The following PCDHA1 variants were observed in gnomAD, a reference collection of about 807,000 sequenced individuals.
PCDHA1 encodes protocadherin alpha-1.
In PCDHA1, 42 loss-of-function variants were observed where a neutral mutation model predicts 61.3. The ratio of observed to expected loss-of-function variants is 0.69; its 90% CI spans 0.54 to 0.89. The LOEUF is 0.89. Ranked by LOEUF, PCDHA1 falls within the 40% of genes least tolerant of loss-of-function variation. The pLI is 0.00. For missense variants in PCDHA1, 1,256 were observed against 1,235.3 expected (o/e 1.02, Z -0.25); for synonymous variants, 610 against 553.8 (o/e 1.10, Z -1.43).
intron 1 of PCDHA1, chr5:140,968,792 A>G (rs200477554): frequency 2.5e-6 from 4 of 1,614,186 alleles, no homozygotes; most frequent in Admixed American, 3.3e-5. Flanking sequence ...CTCTGTGGCC[A>G]TTACAGTAGC....
chr5:140,835,758 G>A (rs2150244199), intron 1 of PCDHA1: 9 of 1,613,436 alleles, frequency 5.6e-6, no homozygotes, highest in Non-Finnish European at 7.6e-6. Flanking sequence ...CGCGCAGCCC[G>A]AGTATACGGT....
intron 1 of PCDHA1, among the ~76,000 whole-genome samples, chr5:140,941,369 T>C (rs2093052615): frequency 6.8e-6 from 1 of 147,356 alleles, no homozygotes; most frequent in Non-Finnish European, 1.5e-5. Context: ...TAGGCTGGAG[T>C]GTAGTGACAG....
intron 1 of PCDHA1, chr5:140,841,999 T>A: frequency 6.2e-7 from 1 of 1,613,818 alleles, no homozygotes; most frequent in Non-Finnish European, 8.5e-7. Context: ...CAGGCACTGT[T>A]CAGCTGCTGG....
intron 1 of PCDHA1, chr5:140,830,284 G>A (rs536478075): frequency 3.1e-6 from 5 of 1,613,734 alleles, no homozygotes; most frequent in Admixed American, 1.7e-5. Context: ...CCGAGGGCGC[G>A]TGCACGGCGG....
intron 1 of PCDHA1, chr5:140,850,088 A>G (rs2150466412): frequency 3.0e-5 from 48 of 1,596,270 alleles, no homozygotes; most frequent in South Asian, 6.6e-5. Context: ...TGGAGCTGCT[A>G]CAGTTCCAGG....
At chr5:140,910,408 G>A (rs1165160124) in intron 1 of PCDHA1, among the ~76,000 whole-genome samples, 2 of 152,106 alleles carry the variant, frequency 1.3e-5, no homozygotes, top group African/African-American at 2.4e-5. Flanking sequence ...CTGCCACCTC[G>A]AGATCCAATT....
intron 1 of PCDHA1, chr5:140,966,880 C>T (rs1554228837): frequency 1.3e-6 from 2 of 1,588,288 alleles, no homozygotes; most frequent in Admixed American, 3.5e-5. Flanking sequence ...TGCTACCTGG[C>T]CCTGCGGCCT....
rs3776115 is a variant in PCDHA1 at position 140,970,956 on chromosome 5, G to A, written c.2395-7993G>A. Among the ~76,000 whole-genome samples, 119 of 152,278 alleles carry A rather than the reference G, an allele frequency of 7.8e-4. 3 individuals carry two copies. In the East Asian group the frequency reaches 0.019, roughly 25 times the overall value. On this transcript the variant is annotated intron_variant, in intron 1 of 3. Coordinates refer to ENST00000504120, the MANE Select transcript of PCDHA1 (RefSeq NM_018900.4). The stretch of plus-strand genomic sequence containing the variant: ...TAGTCAATGCTGAGAAACCATGGGA[G>A]GCAGATTGTAGATTAAGAAAAATGG...
At chr5:141,003,441 A>G (rs184470683) in intron 3 of PCDHA1, among the ~76,000 whole-genome samples, 25 of 152,240 alleles carry the variant, frequency 1.6e-4, no homozygotes, top group Non-Finnish European at 1.5e-5. Flanking sequence ...CCTCCCAAGT[A>G]GATGAAATTA....
In PCDHA1 at chr5:140,795,027, C is replaced by T. The variant is rs782638964; in HGVS notation, c.2394+6343C>T. On this transcript the variant is annotated intron_variant, in intron 1 of 3. Transcript: ENST00000504120. ...CACGGCTGCTCTCGCTTCTGCTCCTCGCAGCCTGGGAGGTGGGGAGCGGCC... is the reference window on the plus strand; with the variant it reads ...CACGGCTGCTCTCGCTTCTGCTCCTTGCAGCCTGGGAGGTGGGGAGCGGCC... 12 of 1,613,686 alleles carry T rather than the reference C, an allele frequency of 7.4e-6. No individual in the cohort carries two copies. In the South Asian group the frequency reaches 1.2e-4, roughly 16 times the overall value.
At position 140,802,778 on chromosome 5, in the gene PCDHA1, G is replaced by A. The variant is rs144958581; in HGVS notation, c.2394+14094G>A. 75 of 1,613,072 alleles carry A rather than the reference G, an allele frequency of 4.6e-5. No individual in the cohort carries two copies. The African/African-American group carries it at 6.0e-4, about 13-fold the overall frequency. On this transcript the variant is annotated intron_variant, in intron 1 of 3. Coordinates refer to ENST00000504120, the MANE Select transcript of PCDHA1 (RefSeq NM_018900.4). ...CGCTGCAGCCGCTGGACCACGAGGA[G>A]CTAGAGCTGCTGCAGTTCCAGGTGA...
intron 1 of PCDHA1, chr5:140,822,809 A>G: frequency 1.9e-6 from 3 of 1,614,196 alleles, no homozygotes; most frequent in Non-Finnish European, 2.5e-6. Flanking sequence ...GTGAATGATA[A>G]TACCCCAGAG....
In PCDHA1 at chr5:140,787,019, C is replaced by T. The variant is rs1441707999; in HGVS notation, c.729C>T (p.Asp243=). ...TTAATGATAACGCCCCACTGTTTGA[C>T]CAGGCCGTATACAGAGTCCACTTGT... ...LDVNDNAPLF[D]QAVYRVHLLE... is the part of the protein sequence containing the mutation. Residue 243 remains aspartate (D), a synonymous_variant, in exon 1 of 4, where the codon GAC becomes GAT. Transcript: ENST00000504120. 1 of 1,614,030 alleles carries T rather than the reference C, an allele frequency of 6.2e-7. No individual in the cohort carries two copies. Among genetic ancestry groups the T allele is most frequent in the African/African-American group, 1.3e-5 (1 of 74,918 alleles).
At chr5:140,886,680 G>T (rs1554182653) in intron 1 of PCDHA1, among the ~76,000 whole-genome samples, 1 of 151,946 alleles carries the variant, frequency 6.6e-6, no homozygotes, top group Non-Finnish European at 1.5e-5. Context: ...ACAAAAATTA[G>T]CGAGGCATGG....
chr5:140,864,184 A>T (rs2153225198), intron 1 of PCDHA1: 1 of 152,304 alleles, frequency 6.6e-6, no homozygotes, highest in East Asian at 1.9e-4. Context: ...ATGATGAATA[A>T]TGATCCTTAT....
intron 1 of PCDHA1, chr5:140,796,685 C>G (rs1762122558): frequency 7.4e-6 from 12 of 1,613,784 alleles, no homozygotes; most frequent in African/African-American, 1.3e-5. Flanking sequence ...GGCACCGCTG[C>G]TGGCGCAGTG....
At chr5:140,882,460 C>T in intron 1 of PCDHA1, 4 of 1,613,998 alleles carry the variant, frequency 2.5e-6, no homozygotes, top group Non-Finnish European at 3.4e-6. Context: ...CGCGCCTGTT[C>T]CGGGTGGCGT....
intron 2 of PCDHA1, chr5:140,982,263 C>A: frequency 1.2e-6 from 1 of 858,968 alleles, no homozygotes; most frequent in Non-Finnish European, 1.7e-6. Flanking sequence ...ATGTGTGTTC[C>A]TGGAATAGTA....
chr5:140,852,930 G>C (rs1581296305), intron 1 of PCDHA1: 3 of 621,568 alleles, frequency 4.8e-6, no homozygotes, highest in Admixed American at 1.3e-4. Context: ...CCAGGCTGGA[G>C]TGCAGTGGTG....
Sources: allele counts gnomAD v4.1 joint callset (sites outside exome capture counted in the v4.1 genomes callset), GRCh38; gene constraint gnomAD v4.1.1; transcripts MANE v1.5; gene names NCBI Gene and HGNC (gene_info 2026-07-23, HGNC 2026-07-21).